SEMA5A: variants seen among roughly 807,000 people sequenced by gnomAD.
SEMA5A encodes semaphorin-5A.
A neutral mutation model predicts 135.5 loss-of-function variants in SEMA5A; 55 were observed. The observed-to-expected ratio is 0.41, with a 90% CI of 0.33 to 0.51. SEMA5A has a LOEUF of 0.51. SEMA5A is among the 20% of genes least tolerant of loss of function. The probability of loss-of-function intolerance (pLI) is 0.37; values close to 1 mark genes in which losing one functional copy is unlikely to be tolerated. For missense variants in SEMA5A, 1,290 were observed against 1,419.9 expected (o/e 0.91, Z 1.47); for synonymous variants, 580 against 546.5 (o/e 1.06, Z -0.85).
intron 16 of SEMA5A, among the ~76,000 whole-genome samples, chr5:9,092,835 T>A (rs1739108074): frequency 6.6e-6 from 1 of 152,198 alleles, no homozygotes; most frequent in East Asian, 1.9e-4. Context: ...AAATTGCCAT[T>A]ACCTTTTTAA....
intron 5 of SEMA5A, among the ~76,000 whole-genome samples, chr5:9,254,625 A>ATT (rs141846908): frequency 2.7e-5 from 4 of 150,748 alleles, no homozygotes; most frequent in African/African-American, 7.3e-5. Context: ...TGAAAATAGG[A>ATT]TTTTTTTTTT....
intron 3 of SEMA5A, among the ~76,000 whole-genome samples, chr5:9,372,742 A>C (rs1013143021): frequency 6.6e-6 from 1 of 152,026 alleles, no homozygotes; most frequent in Non-Finnish European, 1.5e-5. Context: ...GGAGACATGG[A>C]TATGCATAGA....
chr5:9,184,931 T>A lies in SEMA5A; in HGVS notation c.1273+5336A>T, dbSNP rs531887112. Among the ~76,000 whole-genome samples, 9 of 151,708 alleles carry A rather than the reference T, an allele frequency of 5.9e-5. No individual in the cohort carries two copies. In the East Asian group the frequency reaches 1.7e-3, roughly 29 times the overall value. On this transcript the variant is annotated intron_variant, in intron 11 of 22. Transcript: ENST00000382496. The stretch of plus-strand genomic sequence containing the variant: ...TGTTGAAGGTCTTGAGCCTTCATAT[T>A]TTTTTTTCCTTTTTGAGACAGCATC...
intron 15 of SEMA5A, among the ~76,000 whole-genome samples, chr5:9,115,035 AC>A (rs773640201): frequency 1.1e-4 from 16 of 152,182 alleles, no homozygotes; most frequent in Non-Finnish European, 1.3e-4. Flanking sequence ...TCTCAGCAGC[AC>A]CCCAAGGTAG....
chr5:9,533,340 C>T (rs1346755375), intron 1 of SEMA5A, among the ~76,000 whole-genome samples: 3 of 152,220 alleles, frequency 2.0e-5, no homozygotes, highest in African/African-American at 7.2e-5. Flanking sequence ...AGTCAAATTT[C>T]ATGATACGGA....
chr5:9,162,399 T>TGTGC (rs1156955065), intron 11 of SEMA5A, among the ~76,000 whole-genome samples: 1 of 138,298 alleles, frequency 7.2e-6, no homozygotes, highest in Non-Finnish European at 1.5e-5. Context: ...TGTGTGTGTG[T>TGTGC]GTGTGTATAT....
At chr5:9,322,297 G>A (rs1285142639) in intron 4 of SEMA5A, among the ~76,000 whole-genome samples, 1 of 152,028 alleles carries the variant, frequency 6.6e-6, no homozygotes, top group Non-Finnish European at 1.5e-5. Context: ...AAATACCTGA[G>A]AGCTATGGTG....
chr5:9,323,947 C>A (rs1752753277), intron 4 of SEMA5A, among the ~76,000 whole-genome samples: 1 of 151,970 alleles, frequency 6.6e-6, no homozygotes, highest in African/African-American at 2.4e-5. Context: ...CCACGCCTGG[C>A]CTAAATATTA....
intron 12 of SEMA5A, among the ~76,000 whole-genome samples, chr5:9,141,724 A>C (rs1315720304): frequency 6.6e-6 from 1 of 152,204 alleles, no homozygotes; most frequent in Non-Finnish European, 1.5e-5. Context: ...AAAATTTGCA[A>C]TTACGTTTTT....
At chr5:9,409,402 T>C (rs1240781992) in intron 2 of SEMA5A, among the ~76,000 whole-genome samples, 1 of 152,194 alleles carries the variant, frequency 6.6e-6, no homozygotes, top group Admixed American at 6.5e-5. Flanking sequence ...ACTGGCCAGT[T>C]AGCAACAGAG....
Position 9,221,304 on chromosome 5 carries a change from T to C in SEMA5A, c.646+3370A>G, listed in dbSNP as rs900746692. 1.3e-4 allele frequency among the ~76,000 whole-genome samples: 19 copies of C among 145,528 alleles called. No individual in the cohort carries two copies. In the South Asian group the frequency reaches 1.8e-3, roughly 14 times the overall value. On this transcript the variant is annotated intron_variant, in intron 8 of 22. Coordinates refer to ENST00000382496, the MANE Select transcript of SEMA5A (RefSeq NM_003966.3). The stretch of plus-strand genomic sequence containing the variant: ...AAAAGGCATCCGAACATTTTCTTTT[T>C]TTTTTTTTTTTTTTTTGAGACGGAG...
intron 12 of SEMA5A, among the ~76,000 whole-genome samples, chr5:9,146,512 C>T (rs1742344069): frequency 6.6e-6 from 1 of 152,126 alleles, no homozygotes; most frequent in Non-Finnish European, 1.5e-5. Flanking sequence ...GGTTATGATA[C>T]AGATATAGCT....
chr5:9,149,952 G>T (rs1282685943), intron 12 of SEMA5A, among the ~76,000 whole-genome samples: 2 of 152,170 alleles, frequency 1.3e-5, no homozygotes, highest in African/African-American at 4.8e-5. Context: ...GTCAGTGAGT[G>T]GCTGCTCTTG....
At chr5:9,262,049 GA>G (rs1324802541) in intron 5 of SEMA5A, among the ~76,000 whole-genome samples, 48 of 11,278 alleles carry the variant, frequency 4.3e-3, no homozygotes, top group African/African-American at 0.017. Flanking sequence ...AAATTTACAA[GA>G]AAAAAACAAA....
At chr5:9,320,090 T>C (rs556336013) in intron 4 of SEMA5A, among the ~76,000 whole-genome samples, 85 of 152,246 alleles carry the variant, frequency 5.6e-4, no homozygotes, top group African/African-American at 2.0e-3. Flanking sequence ...GCATTCAGGT[T>C]TCACACAGTT....
intron 5 of SEMA5A, among the ~76,000 whole-genome samples, chr5:9,296,348 T>C (rs1461617839): frequency 6.6e-6 from 1 of 152,146 alleles, no homozygotes; most frequent in Non-Finnish European, 1.5e-5. Flanking sequence ...AAACTGCGAT[T>C]TGTCAAAAAC....
At chr5:9,062,863 T>C (rs1261916383) in intron 18 of SEMA5A, 24 bp downstream of exon 18, 2 of 1,612,948 alleles carry the variant, frequency 1.2e-6, no homozygotes, top group East Asian at 4.5e-5. Context: ...TTCAGATGTT[T>C]TGTAGACTAC....
At chr5:9,098,635 G>T (rs180903481) in intron 16 of SEMA5A, among the ~76,000 whole-genome samples, 277 of 152,282 alleles carry the variant, frequency 1.8e-3, no homozygotes, top group Middle Eastern at 6.8e-3. Flanking sequence ...AGAGACATGG[G>T]TTCCATCTGA....
chr5:9,343,768 C>T, intron 3 of SEMA5A, among the ~76,000 whole-genome samples: 1 of 152,170 alleles, frequency 6.6e-6, no homozygotes. Flanking sequence ...TGTGTCTTGC[C>T]TGCTACCAGT....
Sources: allele counts gnomAD v4.1 joint callset (sites outside exome capture counted in the v4.1 genomes callset), GRCh38; gene constraint gnomAD v4.1.1; transcripts MANE v1.5; gene names NCBI Gene and HGNC (gene_info 2026-07-23, HGNC 2026-07-21).